NOL4L: variants seen among roughly 807,000 people sequenced by gnomAD.
NOL4L encodes nucleolar protein 4 like, also known as nucleolar protein 4-like.
A neutral mutation model predicts 64.5 loss-of-function variants in NOL4L; 7 were observed. The ratio of observed to expected loss-of-function variants is 0.11; its 90% CI spans 0.06 to 0.20. The LOEUF (loss-of-function observed/expected upper bound fraction) is 0.20, where lower values mean the gene tolerates loss of function less well. Ranked by LOEUF, NOL4L falls within the 10% of genes least tolerant of loss-of-function variation. The pLI is 1.00. For synonymous variants in NOL4L, 413 were observed against 401.0 expected, an observed-to-expected ratio of 1.03 and a Z score of -0.36; for missense variants, 680 against 967.1, an observed-to-expected ratio of 0.70 and a Z score of 3.94.
At chr20:32,533,090 A>C (rs1470063472) in intron 1 of NOL4L, among the ~76,000 whole-genome samples, 3 of 152,200 alleles carry the variant, frequency 2.0e-5, no homozygotes, top group Non-Finnish European at 4.4e-5. Context: ...GTTTGAGTCT[A>C]GCCTGGGCAA....
chr20:32,521,437 A>C (rs188424175), intron 2 of NOL4L, among the ~76,000 whole-genome samples: 11 of 152,260 alleles, frequency 7.2e-5, no homozygotes, highest in African/African-American at 2.6e-4. Context: ...CAGGCATCAG[A>C]CTTTTCAAAC....
rs549921250 is a variant in NOL4L at position 32,504,169 on chromosome 20, G to A, written c.699+7178C>T. 1.6e-3 allele frequency among the ~76,000 whole-genome samples: 249 copies of A among 151,852 alleles called. 2 individuals carry two copies. Among genetic ancestry groups the A allele is most frequent in the Non-Finnish European group, 1.6e-3 (110 of 67,930 alleles). On this transcript the variant is annotated intron_variant, in intron 4 of 10. Coordinates refer to ENST00000621426, the MANE Select transcript of NOL4L (RefSeq NM_001256798.2). ...AGTCCCCATGTAATCACTCTTGCTG[G>A]ACTGATTAAGTTTTCTGTGTTTCTT...
At chr20:32,470,729 G>A (rs2014950502) in intron 5 of NOL4L, among the ~76,000 whole-genome samples, 1 of 152,274 alleles carries the variant, frequency 6.6e-6, no homozygotes, top group African/African-American at 2.4e-5. Context: ...AGGAAACTGT[G>A]GCAGGAGCTG....
At chr20:32,475,584 C>T (rs995107885) in intron 4 of NOL4L, among the ~76,000 whole-genome samples, 1 of 152,254 alleles carries the variant, frequency 6.6e-6, no homozygotes, top group Non-Finnish European at 1.5e-5. Context: ...GGGGAAGGGC[C>T]CCCACCTCCT....
In NOL4L at chr20:32,456,372, T is replaced by C; in HGVS notation, c.865A>G (p.Ser289Gly). Residue 289 changes from serine to glycine, a missense_variant, in exon 6 of 11, where the codon AGC becomes GGC. Coordinates refer to ENST00000621426, the MANE Select transcript of NOL4L (RefSeq NM_001256798.2). Reference protein sequence around the residue: ...EDDDSSSESGSGNGSSTLNPS... With the variant: ...EDDDSSSESGGGNGSSTLNPS... ...TTCAGGGTGGAGGAGCCATTGCCGC[T>C]GCCACTCTCAGAGGAGGAGTCATCT... 6.8e-7 allele frequency: 1 copy of C among 1,469,244 alleles called. No individual in the cohort carries two copies. Among genetic ancestry groups the C allele is most frequent in the East Asian group, 2.6e-5 (1 of 38,488 alleles). 91.0% of individuals were successfully genotyped at this position (1,469,244 alleles called of 1,614,324 possible). A position where few individuals can be genotyped will look rare whatever the true frequency, so the allele number is the denominator to read the frequency against.
At chr20:32,474,117 C>T (rs893471617) in intron 5 of NOL4L, among the ~76,000 whole-genome samples, 3 of 152,260 alleles carry the variant, frequency 2.0e-5, no homozygotes, top group East Asian at 1.9e-4. Flanking sequence ...CCCAGCCAGC[C>T]GCATCGCATC....
chr20:32,459,324 G>GCT (rs2013835690), intron 5 of NOL4L, among the ~76,000 whole-genome samples: 1 of 149,580 alleles, frequency 6.7e-6, no homozygotes, highest in Non-Finnish European at 1.5e-5. Context: ...CACTGCAACT[G>GCT]CTGCCTCCTG....
intron 4 of NOL4L, among the ~76,000 whole-genome samples, chr20:32,475,659 G>A (rs558482641): frequency 6.6e-6 from 1 of 152,358 alleles, no homozygotes; most frequent in Non-Finnish European, 1.5e-5. Context: ...AACCAAGAAA[G>A]ATGACCCAGC....
chr20:32,547,236 T>A (rs1307841448), intron 1 of NOL4L, among the ~76,000 whole-genome samples: 1 of 152,134 alleles, frequency 6.6e-6, no homozygotes, highest in East Asian at 1.9e-4. Context: ...ACATGCCCAA[T>A]GTCACACAGC....
At chr20:32,576,940 C>A (rs569899040) in intron 1 of NOL4L, among the ~76,000 whole-genome samples, 78 of 152,268 alleles carry the variant, frequency 5.1e-4, no homozygotes, top group Non-Finnish European at 9.3e-4. Context: ...CTAGGGCACC[C>A]CTGCTGCCTT....
intron 6 of NOL4L, among the ~76,000 whole-genome samples, chr20:32,454,706 G>A (rs1326034221): frequency 5.9e-5 from 9 of 152,232 alleles, no homozygotes; most frequent in Admixed American, 3.3e-4. Flanking sequence ...CGTTCAGATC[G>A]TGACTGACAG....
intron 4 of NOL4L, among the ~76,000 whole-genome samples, chr20:32,498,973 A>G (rs991720689): frequency 1.3e-5 from 2 of 151,864 alleles, no homozygotes; most frequent in Non-Finnish European, 2.9e-5. Flanking sequence ...TCTGCTTCCC[A>G]GGTTCAAGTG....
intron 1 of NOL4L, among the ~76,000 whole-genome samples, chr20:32,567,867 C>T (rs1979521662): frequency 6.6e-6 from 1 of 151,880 alleles, no homozygotes; most frequent in African/African-American, 2.4e-5. Flanking sequence ...CATCACACCA[C>T]CATTGTCATC....
At chr20:32,547,152 A>G (rs1035511026) in intron 1 of NOL4L, among the ~76,000 whole-genome samples, 2 of 151,974 alleles carry the variant, frequency 1.3e-5, no homozygotes, top group Non-Finnish European at 2.9e-5. Flanking sequence ...CTGACTCTTC[A>G]CTCCAGCCCC....
chr20:32,508,489 C>T (rs1207180365), intron 4 of NOL4L, among the ~76,000 whole-genome samples: 1 of 152,180 alleles, frequency 6.6e-6, no homozygotes, highest in Non-Finnish European at 1.5e-5. Flanking sequence ...CATTGCTTTG[C>T]ATGGAGTGCT....
At chr20:32,469,646 C>G (rs915045415) in intron 5 of NOL4L, among the ~76,000 whole-genome samples, 2 of 152,248 alleles carry the variant, frequency 1.3e-5, no homozygotes, top group Admixed American at 1.3e-4. Context: ...GCTGGGCTTA[C>G]AGGCGTGAGC....
intron 4 of NOL4L, among the ~76,000 whole-genome samples, chr20:32,501,600 C>G (rs142570955): frequency 6.6e-6 from 1 of 151,898 alleles, no homozygotes; most frequent in Non-Finnish European, 1.5e-5. Context: ...AACTGTGTGT[C>G]GAGGAGTGGG....
rs929651242 is a variant in NOL4L at position 32,463,936 on chromosome 20, G to A, written c.842-7541C>T. ...GCCACTGGAGGCCAGCAGGCCCTGC[G>A]TGCAGACTGCCTTCCGTGTCCAGAG... On this transcript the variant is annotated intron_variant, in intron 5 of 10. Coordinates refer to ENST00000621426, the MANE Select transcript of NOL4L (RefSeq NM_001256798.2). The surrounding 1 kb of genome is among the most constrained non-coding windows in gnomAD (Gnocchi z 5.8). Among the ~76,000 whole-genome samples the A allele has an allele frequency of 9.2e-5, 14 of 152,188 alleles. No individual in the cohort carries two copies. The highest frequency in any genetic ancestry group is 7.2e-4 in the Admixed American group (11 of 15,286).
chr20:32,565,501 G>A (rs1979371916), intron 1 of NOL4L, among the ~76,000 whole-genome samples: 1 of 152,160 alleles, frequency 6.6e-6, no homozygotes. Flanking sequence ...GGCACTGGAC[G>A]ATCTCTCCTG....
Sources: allele counts gnomAD v4.1 joint callset (sites outside exome capture counted in the v4.1 genomes callset), GRCh38; gene constraint gnomAD v4.1.1; non-coding constraint Gnocchi (gnomAD v3.1); transcripts MANE v1.5; gene names NCBI Gene and HGNC (gene_info 2026-07-23, HGNC 2026-07-21).